The following PDE8B variants were observed in gnomAD, a reference collection of about 807,000 sequenced individuals.
PDE8B encodes high affinity cAMP-specific and IBMX-insensitive 3',5'-cyclic phosphodiesterase 8B.
PDE8B carries 26 observed loss-of-function variants against 101.3 expected under a neutral mutation model. That is an observed-to-expected ratio of 0.26 (90% confidence interval 0.19 to 0.36). The LOEUF is 0.36. Among genes scored for constraint, PDE8B ranks in the 10% least tolerant of loss-of-function variants. The pLI is 1.00. For synonymous variants in PDE8B, 424 were observed against 429.3 expected, an observed-to-expected ratio of 0.99 and a Z score of 0.15; for missense variants, 810 against 1,163.1, an observed-to-expected ratio of 0.70 and a Z score of 4.42.
At chr5:77,210,593 A>C, upstream of PDE8B, 1 of 961,700 alleles carries the variant, frequency 1.0e-6, no homozygotes, top group Non-Finnish European at 1.2e-6. The surrounding 1 kb of genome is among the most constrained non-coding windows in gnomAD (Gnocchi z 4.9). Flanking sequence ...GGCCGCGCCG[A>C]GGGAGGAGGG....
At chr5:77,299,820 T>C (rs1355653178) in intron 1 of PDE8B, among the ~76,000 whole-genome samples, 1 of 152,198 alleles carries the variant, frequency 6.6e-6, no homozygotes, top group East Asian at 1.9e-4. Context: ...ATGGTATTTC[T>C]AGTTCTAGAT....
At chr5:77,290,815 G>A (rs555359470) in intron 1 of PDE8B, 8 of 1,497,676 alleles carry the variant, frequency 5.3e-6, no homozygotes, top group Middle Eastern at 1.9e-4. Context: ...GTCATGATCT[G>A]TGGAAATGTC....
intron 1 of PDE8B, among the ~76,000 whole-genome samples, chr5:77,212,168 G>A (rs1461829417): frequency 6.6e-6 from 1 of 152,068 alleles, no homozygotes; most frequent in Admixed American, 6.5e-5. Flanking sequence ...GTAAATCTGG[G>A]CACTGGGTCT....
intron 1 of PDE8B, among the ~76,000 whole-genome samples, chr5:77,311,532 G>T (rs181593532): frequency 5.3e-5 from 8 of 152,248 alleles, no homozygotes; most frequent in Middle Eastern, 3.4e-3. Flanking sequence ...TATAGGAAAG[G>T]CTCTTAAACC....
At chr5:77,166,627 G>A in the PDE8B span, 1 of 152,196 alleles carries the variant, frequency 6.6e-6, no homozygotes, top group Non-Finnish European at 1.5e-5. Context: ...GTGTGTATAT[G>A]CAACAGTCAT....
chr5:77,330,551 G>T (rs1358102956), intron 4 of PDE8B, among the ~76,000 whole-genome samples: 1 of 152,208 alleles, frequency 6.6e-6, no homozygotes, highest in Non-Finnish European at 1.5e-5. Flanking sequence ...AGAAGAAAAA[G>T]AAAGTGGGTA....
intron 10 of PDE8B, among the ~76,000 whole-genome samples, chr5:77,363,085 G>A (rs989528262): frequency 4.6e-5 from 7 of 152,190 alleles, no homozygotes; most frequent in African/African-American, 1.7e-4. Context: ...GATGTCTTTC[G>A]TGTTGACACT....
chr5:77,169,395 AC>A, the PDE8B span, among the ~76,000 whole-genome samples: 1 of 152,202 alleles, frequency 6.6e-6, no homozygotes, highest in South Asian at 2.1e-4. Context: ...TTGTTAAAAC[AC>A]AGGTTTCAAG....
rs70988668 is a variant in PDE8B at position 77,375,889 on chromosome 5, C to CTTTTTT, written c.1167+22498_1167+22503dup. On this transcript the variant is annotated intron_variant, in intron 10 of 21. Transcript: ENST00000264917. ...TAATACTCACTTTGTGCCTTGATTT[C>CTTTTTT]TTTTTTTTTTTTTTTTTTTTGAGGC... Among the ~76,000 whole-genome samples the CTTTTTT allele has an allele frequency of 8.3e-3, 897 of 108,242 alleles. 19 individuals carry two copies. Among genetic ancestry groups the CTTTTTT allele is most frequent in the African/African-American group, 9.6e-3 (259 of 26,894 alleles). The allele number at this position is 108,242 out of a possible 152,430, so 71.0% of individuals were successfully genotyped here. A position where few individuals can be genotyped will look rare whatever the true frequency, so the allele number is the denominator to read the frequency against.
chr5:77,357,072 C>G (rs1032744270), intron 10 of PDE8B, among the ~76,000 whole-genome samples: 3 of 152,166 alleles, frequency 2.0e-5, no homozygotes, highest in Admixed American at 6.5e-5. Flanking sequence ...TAGAGAATGT[C>G]TTTGCGGGGA....
intron 17 of PDE8B, among the ~76,000 whole-genome samples, chr5:77,417,550 C>T (rs1050311056): frequency 6.6e-6 from 1 of 152,196 alleles, no homozygotes; most frequent in Admixed American, 6.5e-5. Flanking sequence ...ACTCCTAAAG[C>T]TGCAGGCTCA....
chr5:77,388,256 GTC>G (rs1370484774), intron 10 of PDE8B, among the ~76,000 whole-genome samples: 2 of 152,186 alleles, frequency 1.3e-5, no homozygotes, highest in African/African-American at 4.8e-5. Flanking sequence ...TTCAGATGGA[GTC>G]TCTGAGTAGA....
intron 2 of PDE8B, among the ~76,000 whole-genome samples, chr5:77,313,593 G>A (rs761039250): frequency 1.4e-4 from 21 of 152,114 alleles, no homozygotes; most frequent in Non-Finnish European, 2.8e-4. Context: ...ATGCTACACT[G>A]GCAATTAATG....
intron 1 of PDE8B, among the ~76,000 whole-genome samples, chr5:77,271,816 C>A (rs944051111): frequency 6.6e-6 from 1 of 152,164 alleles, no homozygotes; most frequent in Non-Finnish European, 1.5e-5. Flanking sequence ...TCCACAGCAG[C>A]CACTTCACAT....
chr5:77,286,700 T>C (rs1228478836), intron 1 of PDE8B, among the ~76,000 whole-genome samples: 1 of 152,198 alleles, frequency 6.6e-6, no homozygotes, highest in Non-Finnish European at 1.5e-5. Context: ...ATATAATTAG[T>C]CATGTATTTG....
the PDE8B span, among the ~76,000 whole-genome samples, chr5:77,168,368 C>T: frequency 6.6e-6 from 1 of 152,230 alleles, no homozygotes; most frequent in African/African-American, 2.4e-5. Flanking sequence ...GGCTGCACGG[C>T]AGCCCTGGCA....
the PDE8B span, among the ~76,000 whole-genome samples, chr5:77,187,351 A>G: frequency 2.6e-5 from 4 of 152,220 alleles, no homozygotes; most frequent in Non-Finnish European, 5.9e-5. Flanking sequence ...TTTAAGGAAG[A>G]AAAGATACCC....
rs1337431928 is a variant in PDE8B at position 77,428,042 on chromosome 5, C to A, written c.*1488C>A. The A allele has an allele frequency of 6.6e-6, 1 of 152,076 alleles. No homozygotes were observed. Among genetic ancestry groups the A allele is most frequent in the Non-Finnish European group, 1.5e-5 (1 of 68,028 alleles). The allele number at this position is 152,076 out of a possible 1,614,324, so 9.4% of individuals were successfully genotyped here. A position where few individuals can be genotyped will look rare whatever the true frequency, so the allele number is the denominator to read the frequency against. On this transcript the variant is annotated 3_prime_UTR_variant, in exon 22 of 22. Transcript: ENST00000264917. Reference sequence around the variant, plus strand: ...CCAAAAATGGAAAAATATGACAATTCCATGCAAAGAAATGTATCTAAATTA... The same window carrying A: ...CCAAAAATGGAAAAATATGACAATTACATGCAAAGAAATGTATCTAAATTA...
chr5:77,325,205 G>C (rs576918034), intron 2 of PDE8B, among the ~76,000 whole-genome samples: 1 of 152,254 alleles, frequency 6.6e-6, no homozygotes, highest in South Asian at 2.1e-4. Context: ...GTCTCACTCT[G>C]TTGCCCAGCT....
Sources: allele counts gnomAD v4.1 joint callset (sites outside exome capture counted in the v4.1 genomes callset), GRCh38; gene constraint gnomAD v4.1.1; non-coding constraint Gnocchi (gnomAD v3.1); transcripts MANE v1.5; gene names NCBI Gene and HGNC (gene_info 2026-07-23, HGNC 2026-07-21).